Variants in PHF20L1 observed in about 807,000 individuals in gnomAD.
PHF20L1 encodes PHD finger protein 20-like protein 1.
Under a neutral mutation model 125.5 loss-of-function variants are expected in PHF20L1, and 44 were observed. The ratio of observed to expected loss-of-function variants is 0.35; its 90% CI spans 0.28 to 0.45. The LOEUF is 0.45. PHF20L1 is among the 20% of genes least tolerant of loss of function. The pLI is 1.00. For missense variants in PHF20L1, 1,012 were observed against 1,217.2 expected, an observed-to-expected ratio of 0.83 and a Z score of 2.51; for synonymous variants, 380 against 403.1, an observed-to-expected ratio of 0.94 and a Z score of 0.69.
chr8:132,843,214 T>C, intron 19 of PHF20L1: 1 of 1,009,430 alleles, frequency 9.9e-7, no homozygotes, highest in African/African-American at 1.7e-5. Flanking sequence ...CATATGGGTG[T>C]AATGATTTGT....
intron 15 of PHF20L1, among the ~76,000 whole-genome samples, chr8:132,833,049 C>T (rs765106631): frequency 2.6e-5 from 4 of 152,026 alleles, no homozygotes; most frequent in Non-Finnish European, 5.9e-5. Context: ...ACCTTGCTTC[C>T]AATATTGTAA....
chr8:132,839,954 G>A (rs983550678), intron 18 of PHF20L1, among the ~76,000 whole-genome samples: 1 of 152,076 alleles, frequency 6.6e-6, no homozygotes, highest in African/African-American at 2.4e-5. Flanking sequence ...TAAGCAGGGT[G>A]AGTATTTTTT....
chr8:132,846,057 T>A lies in PHF20L1; in HGVS notation c.*134T>A, dbSNP rs1838401070. 24 of 635,326 alleles carry A rather than the reference T, an allele frequency of 3.8e-5. No homozygotes were observed. The South Asian group carries it at 6.5e-4, about 17-fold the overall frequency. 39.4% of individuals were successfully genotyped at this position (635,326 alleles called of 1,614,324 possible). A position where few individuals can be genotyped will look rare whatever the true frequency, so the allele number is the denominator to read the frequency against. On this transcript the variant is annotated 3_prime_UTR_variant, in exon 21 of 21. Coordinates refer to ENST00000395386, the MANE Select transcript of PHF20L1 (RefSeq NM_016018.5). ...TCACTGATTTGTGATGTCAATAGGA[T>A]GGCACCTTGGAAAGAAAAATGAAGA... is the stretch of plus-strand genomic sequence containing the variant.
intron 19 of PHF20L1, 148 bp from the exon 20 acceptor site, chr8:132,844,008 T>A: frequency 7.1e-7 from 1 of 1,417,552 alleles, no homozygotes; most frequent in Non-Finnish European, 9.2e-7. Context: ...AATTTGGTTA[T>A]GTAGCAGTAC....
rs1052484323 is a variant in PHF20L1 at position 132,847,085 on chromosome 8, C to G, written c.*1162C>G. 2.0e-5 allele frequency: 3 copies of G among 152,574 alleles called. No homozygotes were observed. The highest frequency in any genetic ancestry group is 4.4e-5 in the Non-Finnish European group (3 of 68,014). The allele number at this position is 152,574 out of a possible 1,614,324, so 9.5% of individuals were successfully genotyped here. The stretch of plus-strand genomic sequence containing the variant: ...TCTTGCTGGATTTTGAGCCTAGGTC[C>G]TACTGTCTGCCAGTACTCATGTGAG... On this transcript the variant is annotated 3_prime_UTR_variant, in exon 21 of 21. Coordinates refer to ENST00000395386, the MANE Select transcript of PHF20L1 (RefSeq NM_016018.5).
chr8:132,798,449 T>G (rs960477156), intron 4 of PHF20L1, among the ~76,000 whole-genome samples: 4 of 152,060 alleles, frequency 2.6e-5, no homozygotes, highest in African/African-American at 9.7e-5. Context: ...TTTTTGTAAG[T>G]AATGATTTTA....
At chr8:132,787,260 T>G (rs1051622922) in intron 2 of PHF20L1, among the ~76,000 whole-genome samples, 22 of 150,236 alleles carry the variant, frequency 1.5e-4, no homozygotes, top group African/African-American at 5.4e-4. Context: ...ATTCAGGTGC[T>G]GGGGGGGTGG....
At position 132,804,748 on chromosome 8, in the gene PHF20L1, ACAATG is replaced by A. The variant is rs1833482910; in HGVS notation, c.847+9_847+13del. 1 of 1,585,680 alleles carries A rather than the reference ACAATG, an allele frequency of 6.3e-7. No individual in the cohort carries two copies. Among genetic ancestry groups the A allele is most frequent in the South Asian group, 1.2e-5 (1 of 85,892 alleles). On this transcript the variant is annotated intron_variant, in intron 8 of 20. Coordinates refer to ENST00000395386, the MANE Select transcript of PHF20L1 (RefSeq NM_016018.5). ...GACTTAACAAGATTACTGGTAAACT[ACAATG>A]ATTTTTTTTTTGAGGGGGGGAAATG...
intron 14 of PHF20L1, among the ~76,000 whole-genome samples, chr8:132,828,331 A>G (rs1378049212): frequency 6.6e-6 from 1 of 151,970 alleles, no homozygotes; most frequent in Non-Finnish European, 1.5e-5. Context: ...CAGTTAACTG[A>G]GAGAGAGTGA....
chr8:132,824,153 T>C, intron 13 of PHF20L1, 93 bp downstream of exon 13: 1 of 736,714 alleles, frequency 1.4e-6, no homozygotes, highest in East Asian at 2.7e-5. Flanking sequence ...CAGTTAATGC[T>C]ACCTTAGGTG....
At chr8:132,801,502 A>G (rs1259465353) in intron 6 of PHF20L1, among the ~76,000 whole-genome samples, 1 of 151,786 alleles carries the variant, frequency 6.6e-6, no homozygotes, top group Non-Finnish European at 1.5e-5. Flanking sequence ...ATCTACAAAG[A>G]GCTCGAAAAC....
At chr8:132,823,364 A>G (rs1483133266) in intron 12 of PHF20L1, among the ~76,000 whole-genome samples, 1 of 151,960 alleles carries the variant, frequency 6.6e-6, no homozygotes, top group African/African-American at 2.4e-5. Context: ...CATTTGGATA[A>G]TCCAGATAGC....
intron 8 of PHF20L1, 112 bp from the exon 9 acceptor site, chr8:132,810,933 TC>T (rs1834321068): frequency 1.4e-6 from 1 of 726,850 alleles, no homozygotes; most frequent in Non-Finnish European, 2.5e-6. Flanking sequence ...TGAGATTACT[TC>T]CTACGTATTA....
chr8:132,792,964 C>CTTT lies in PHF20L1; in HGVS notation c.84-1430_84-1428dup, dbSNP rs370724463. On this transcript the variant is annotated intron_variant, in intron 2 of 20. Transcript: ENST00000395386. ...GCTTATTTGAGAAGACCCCTTTTTT[C>CTTT]TTTTTTTTTTTTTTTTTTAGTGCCA... 8.8e-4 allele frequency among the ~76,000 whole-genome samples: 114 copies of CTTT among 129,618 alleles called. 1 individual carries two copies. Among genetic ancestry groups the CTTT allele is most frequent in the African/African-American group, 1.4e-3 (47 of 34,596 alleles). 85.0% of individuals were successfully genotyped at this position (129,618 alleles called of 152,430 possible).
intron 2 of PHF20L1, among the ~76,000 whole-genome samples, chr8:132,786,588 G>C (rs1233025246): frequency 6.6e-6 from 1 of 152,074 alleles, no homozygotes; most frequent in South Asian, 2.1e-4. Flanking sequence ...AAACTCATCA[G>C]TTGCAAGATG....
At position 132,836,533 on chromosome 8, in the gene PHF20L1, A is replaced by G; in HGVS notation, c.1910-7A>G. The G allele has an allele frequency of 6.3e-7, 1 of 1,582,274 alleles. No individual in the cohort carries two copies. The highest frequency in any genetic ancestry group is 8.7e-7 in the Non-Finnish European group (1 of 1,152,948). On this transcript the variant is annotated splice_region_variant and splice_polypyrimidine_tract_variant and intron_variant, in intron 15 of 20. Coordinates refer to ENST00000395386, the MANE Select transcript of PHF20L1 (RefSeq NM_016018.5). ...TGTTCTAAGTATACTTTTTGTATATATTCTAGACTTATCAGATGTAGACTT... is the reference window on the plus strand; with the variant it reads ...TGTTCTAAGTATACTTTTTGTATATGTTCTAGACTTATCAGATGTAGACTT...
chr8:132,786,833 A>T (rs559634772), intron 2 of PHF20L1, among the ~76,000 whole-genome samples: 1 of 152,292 alleles, frequency 6.6e-6, no homozygotes, highest in Non-Finnish European at 1.5e-5. Flanking sequence ...CATTAGTTTT[A>T]ATCATAACAA....
chr8:132,779,678 T>C (rs769337855), intron 2 of PHF20L1, among the ~76,000 whole-genome samples: 1 of 152,224 alleles, frequency 6.6e-6, no homozygotes, highest in Non-Finnish European at 1.5e-5. Context: ...AACTTTGATA[T>C]TAGTGAGAAA....
At chr8:132,797,714 A>G (rs1472621087) in intron 4 of PHF20L1, among the ~76,000 whole-genome samples, 1 of 152,042 alleles carries the variant, frequency 6.6e-6, no homozygotes, top group African/African-American at 2.4e-5. Flanking sequence ...ACGTTAGGCT[A>G]ATTATAGAAA....
Sources: allele counts gnomAD v4.1 joint callset (sites outside exome capture counted in the v4.1 genomes callset), GRCh38; gene constraint gnomAD v4.1.1; transcripts MANE v1.5; gene names NCBI Gene and HGNC (gene_info 2026-07-23, HGNC 2026-07-21).